Variants in SLC4A10 observed in about 807,000 individuals in gnomAD.
SLC4A10 encodes sodium-driven chloride bicarbonate exchanger.
SLC4A10 carries 42 observed loss-of-function variants against 137.7 expected under a neutral mutation model. That is an observed-to-expected ratio of 0.30 (90% CI 0.24 to 0.39). The LOEUF is 0.39. Among genes scored for constraint, SLC4A10 ranks in the 10% least tolerant of loss-of-function variants. The probability of loss-of-function intolerance (pLI) is 1.00; values close to 1 mark genes in which losing one functional copy is unlikely to be tolerated. For missense variants in SLC4A10, 925 were observed against 1,355.0 expected (o/e 0.68, Z 4.98); for synonymous variants, 474 against 464.1 (o/e 1.02, Z -0.27).
At chr2:161,658,077 G>A (rs1159644150) in intron 1 of SLC4A10, among the ~76,000 whole-genome samples, 3 of 152,068 alleles carry the variant, frequency 2.0e-5, no homozygotes, top group Admixed American at 6.6e-5. Context: ...TTTCCTGCAA[G>A]CAATGAGTAG....
At chr2:161,879,544 TC>T (rs1173344192) in intron 9 of SLC4A10, among the ~76,000 whole-genome samples, 5 of 134,344 alleles carry the variant, frequency 3.7e-5, no homozygotes, top group East Asian at 3.9e-4. Context: ...GCCATATGAA[TC>T]CTTTTTTTTT....
intron 9 of SLC4A10, among the ~76,000 whole-genome samples, chr2:161,881,467 A>G (rs2061775470): frequency 6.6e-6 from 1 of 152,046 alleles, no homozygotes; most frequent in Admixed American, 6.6e-5. Flanking sequence ...CTCATGTAAA[A>G]ACATGTACAA....
At chr2:161,783,086 A>T (rs2053234045) in intron 2 of SLC4A10, among the ~76,000 whole-genome samples, 1 of 152,002 alleles carries the variant, frequency 6.6e-6, no homozygotes, top group African/African-American at 2.4e-5. Context: ...AACAAGGGAA[A>T]AGTTACTTGT....
chr2:161,720,197 A>G (rs1574552887), intron 1 of SLC4A10, among the ~76,000 whole-genome samples: 1 of 152,154 alleles, frequency 6.6e-6, no homozygotes, highest in East Asian at 1.9e-4. Context: ...CAAAGATCAG[A>G]TAGTTGTAGA....
intron 1 of SLC4A10, among the ~76,000 whole-genome samples, chr2:161,726,989 C>G (rs1396213630): frequency 6.6e-6 from 1 of 152,258 alleles, no homozygotes; most frequent in African/African-American, 2.4e-5. Flanking sequence ...CTTCCAAATA[C>G]TCTTTCTCCT....
intron 1 of SLC4A10, among the ~76,000 whole-genome samples, chr2:161,640,714 G>T (rs2105483738): frequency 6.7e-6 from 1 of 149,806 alleles, no homozygotes; most frequent in Admixed American, 6.7e-5. Flanking sequence ...TGCAGTCGCT[G>T]GTTACAGGCA....
intron 16 of SLC4A10, among the ~76,000 whole-genome samples, chr2:161,946,879 G>T (rs185324704): frequency 6.6e-6 from 1 of 152,026 alleles, no homozygotes; most frequent in East Asian, 1.9e-4. Flanking sequence ...GTCCAAGTTC[G>T]ATAGTCCCAT....
At chr2:161,902,708 G>A (rs940454764) in intron 12 of SLC4A10, among the ~76,000 whole-genome samples, 1 of 151,934 alleles carries the variant, frequency 6.6e-6, no homozygotes. Flanking sequence ...TTATTAATAG[G>A]TAACTATTAC....
rs149945435 is a variant in SLC4A10 at position 161,917,656 on chromosome 2, A to G, written c.1997+11769A>G. On this transcript the variant is annotated intron_variant, in intron 15 of 26. Transcript: ENST00000446997. ...TGTAGCATTTTGTATTCTTAACATC[A>G]GTATATGAAATCATATTCCAATTAT... Among the ~76,000 whole-genome samples, 12 of 151,892 alleles carry G rather than the reference A, an allele frequency of 7.9e-5. No homozygotes were observed. In the East Asian group the frequency reaches 2.1e-3, roughly 27 times the overall value.
intron 1 of SLC4A10, among the ~76,000 whole-genome samples, chr2:161,729,051 A>G (rs1263113726): frequency 2.0e-5 from 3 of 152,184 alleles, no homozygotes; most frequent in Admixed American, 6.5e-5. Context: ...AACTTCTTCA[A>G]CCTGAAAGGG....
intron 1 of SLC4A10, among the ~76,000 whole-genome samples, chr2:161,644,991 G>A (rs1365228589): frequency 2.6e-5 from 4 of 152,140 alleles, no homozygotes; most frequent in Non-Finnish European, 5.9e-5. Flanking sequence ...TACAATAAAT[G>A]ATGAGGCATG....
At chr2:161,746,198 G>A (rs1232301679) in intron 1 of SLC4A10, among the ~76,000 whole-genome samples, 2 of 152,044 alleles carry the variant, frequency 1.3e-5, no homozygotes, top group East Asian at 1.9e-4. Flanking sequence ...GACCCATGGT[G>A]GATCTAGAAA....
chr2:161,850,279 C>A (rs1472938856), intron 4 of SLC4A10, among the ~76,000 whole-genome samples: 1 of 152,124 alleles, frequency 6.6e-6, no homozygotes, highest in East Asian at 1.9e-4. Flanking sequence ...GTAGTCCCAG[C>A]TACTTGTGAT....
chr2:161,791,787 G>A (rs997663426), intron 2 of SLC4A10, among the ~76,000 whole-genome samples: 1 of 152,112 alleles, frequency 6.6e-6, no homozygotes, highest in Non-Finnish European at 1.5e-5. Context: ...TTTGTTTGAA[G>A]TGAGAGGTAA....
intron 26 of SLC4A10, 142 bp from the exon 27 acceptor site, chr2:161,983,037 C>G (rs528991192): frequency 4.6e-6 from 3 of 647,844 alleles, no homozygotes; most frequent in Non-Finnish European, 7.8e-6. Context: ...TGCTGTCTAT[C>G]TGTGCTTCGC....
At chr2:161,866,469 T>G (rs568340598) in intron 6 of SLC4A10, among the ~76,000 whole-genome samples, 1 of 152,126 alleles carries the variant, frequency 6.6e-6, no homozygotes, top group South Asian at 2.1e-4. Context: ...GGATTCACCA[T>G]GCATTTTTAA....
chr2:161,654,875 A>T (rs962798198), intron 1 of SLC4A10, among the ~76,000 whole-genome samples: 1 of 152,158 alleles, frequency 6.6e-6, no homozygotes, highest in Non-Finnish European at 1.5e-5. Context: ...TTGTGGTCTC[A>T]TATGAATTGC....
At chr2:161,702,570 T>C (rs1166689182) in intron 1 of SLC4A10, among the ~76,000 whole-genome samples, 2 of 151,834 alleles carry the variant, frequency 1.3e-5, no homozygotes, top group South Asian at 4.1e-4. Context: ...TATCTGATAG[T>C]CATTTGGAAG....
intron 8 of SLC4A10, among the ~76,000 whole-genome samples, chr2:161,876,473 G>A (rs1165911644): frequency 2.0e-5 from 3 of 152,102 alleles, no homozygotes; most frequent in African/African-American, 7.2e-5. Context: ...GAGCTTAGGA[G>A]TTCGAGATCA....
Sources: allele counts gnomAD v4.1 joint callset (sites outside exome capture counted in the v4.1 genomes callset), GRCh38; gene constraint gnomAD v4.1.1; transcripts MANE v1.5; gene names NCBI Gene and HGNC (gene_info 2026-07-23, HGNC 2026-07-21).